The following TRIP12 variants were observed in gnomAD, a reference collection of about 807,000 sequenced individuals.
The protein encoded by TRIP12 is E3 ubiquitin-protein ligase TRIP12.
A neutral mutation model predicts 244.2 loss-of-function variants in TRIP12; 25 were observed. That is an observed-to-expected ratio of 0.10 (90% CI 0.07 to 0.14). TRIP12 has a LOEUF of 0.14. Ranked by LOEUF, TRIP12 falls within the 10% of genes least tolerant of loss-of-function variation. TRIP12 has a pLI of 1.00. For missense variants in TRIP12, 1,677 were observed against 2,486.4 expected, an observed-to-expected ratio of 0.67 and a Z score of 6.92; for synonymous variants, 905 against 873.1, an observed-to-expected ratio of 1.04 and a Z score of -0.64.
intron 2 of TRIP12, among the ~76,000 whole-genome samples, chr2:229,862,509 A>C (rs2060638687): frequency 6.6e-6 from 1 of 152,216 alleles, no homozygotes; most frequent in Non-Finnish European, 1.5e-5. Flanking sequence ...TAATTAAATC[A>C]CGTTTTCTAC....
chr2:229,808,329 G>A lies in TRIP12; in HGVS notation c.2262C>T (p.Ser754=). The part of the protein sequence containing the change: ...ETLHFLLCGA[S]NGSCQEQIDL... ...CAATCTGTTCCTGACAACTTCCATT[G>A]GAGGCACCACACAGGAGAAAGTGAA... The change falls in exon 16 of 42, where the codon TCC becomes TCT. Residue 754 remains serine, a synonymous_variant. Coordinates refer to ENST00000675903, the MANE Select transcript of TRIP12 (RefSeq NM_001348323.3). The A allele has an allele frequency of 6.2e-7, 1 of 1,613,714 alleles. No homozygotes were observed. Among genetic ancestry groups the A allele is most frequent in the African/African-American group, 1.3e-5 (1 of 75,012 alleles).
At position 229,777,471 on chromosome 2, in the gene TRIP12, A is replaced by G. The variant is rs1318001459; in HGVS notation, c.5373T>C (p.Leu1791=). 1.2e-6 allele frequency: 2 copies of G among 1,613,598 alleles called. No homozygotes were observed. Among genetic ancestry groups the G allele is most frequent in the African/African-American group, 2.7e-5 (2 of 74,902 alleles). Reference sequence around the variant, plus strand: ...ATTTATAAAAGGGTAAGCCAAGGGGAAGGTCCACCTGAAATGGAATATGCA... The same window carrying G: ...ATTTATAAAAGGGTAAGCCAAGGGGGAGGTCCACCTGAAATGGAATATGCA... ...KAIMDFRLVD[L]PLGLPFYKWM... Residue 1791 remains leucine, a synonymous_variant, in exon 37 of 42, where the codon CTT becomes CTC. Coordinates refer to ENST00000675903, the MANE Select transcript of TRIP12 (RefSeq NM_001348323.3).
chr2:229,922,854 C>T (rs188152765), upstream of TRIP12, among the ~76,000 whole-genome samples: 143 of 152,314 alleles, frequency 9.4e-4, no homozygotes, highest in African/African-American at 3.4e-3. Flanking sequence ...GTGCCGCGTG[C>T]TCCTTTCCCG....
chr2:229,905,938 A>G (rs922877453), intron 1 of TRIP12, among the ~76,000 whole-genome samples: 4 of 152,260 alleles, frequency 2.6e-5, no homozygotes, highest in Non-Finnish European at 5.9e-5. Context: ...CTCAGGCACA[A>G]AACATTACAG....
intron 1 of TRIP12, among the ~76,000 whole-genome samples, chr2:229,909,129 C>A (rs1275156369): frequency 6.7e-6 from 1 of 150,266 alleles, no homozygotes; most frequent in South Asian, 2.1e-4. Flanking sequence ...TTAGTTTTGT[C>A]CAAGTTTACC....
chr2:229,818,314 GA>G (rs756016971), intron 9 of TRIP12, 49 bp downstream of exon 9: 3 of 1,588,498 alleles, frequency 1.9e-6, no homozygotes, highest in Non-Finnish European at 8.6e-7. Flanking sequence ...AAAATCGGCA[GA>G]TTTCAGAGGA....
chr2:229,783,811 A>T (rs1335062528), intron 34 of TRIP12, among the ~76,000 whole-genome samples: 16 of 88,170 alleles, frequency 1.8e-4, no homozygotes, highest in South Asian at 5.9e-4. Flanking sequence ...ACCATCTTTT[A>T]AAAAAAAAAA....
intron 2 of TRIP12, among the ~76,000 whole-genome samples, chr2:229,874,192 G>A (rs554845939): frequency 2.0e-5 from 3 of 152,108 alleles, no homozygotes; most frequent in African/African-American, 7.2e-5. Flanking sequence ...AATGGCCCAC[G>A]GAGCAAATTT....
At chr2:229,878,611 T>G (rs1451016029) in intron 2 of TRIP12, among the ~76,000 whole-genome samples, 2 of 151,234 alleles carry the variant, frequency 1.3e-5, no homozygotes, top group Non-Finnish European at 2.9e-5. Context: ...GGAGTCTCGC[T>G]CTGTCTGTCG....
chr2:229,896,698 T>C (rs1343159664), intron 1 of TRIP12, among the ~76,000 whole-genome samples: 3 of 152,134 alleles, frequency 2.0e-5, no homozygotes, highest in Non-Finnish European at 4.4e-5. Flanking sequence ...CTAGTTAAGA[T>C]TATCAGACTA....
chr2:229,795,312 T>A lies in TRIP12; in HGVS notation c.3835A>T (p.Ile1279Phe), dbSNP rs764732335. ...TTACCCACTGGTTCCACTCTTCCAA[T>A]GGGCTCTTCTCCAGGAAGCTAAAGT... ...FSSPLPGEEP[I>F]GRVEPVGNAP... The change falls in exon 26 of 42, where the codon ATT becomes TTT. Residue 1279 changes from isoleucine to phenylalanine, a missense_variant. By Grantham distance (21) the Ile-to-Phe change is conservative. Transcript: ENST00000675903. 1 of 1,613,230 alleles carries A rather than the reference T, an allele frequency of 6.2e-7. No homozygotes were observed.
chr2:229,813,791 AT>A, intron 13 of TRIP12, 78 bp downstream of exon 13: 2 of 1,064,104 alleles, frequency 1.9e-6, no homozygotes, highest in Non-Finnish European at 2.4e-6. Context: ...TCTCAAAAAA[AT>A]AAAATAAAAT....
chr2:229,864,047 A>AGTGAGT (rs1553712196), intron 2 of TRIP12, among the ~76,000 whole-genome samples: 47 of 79,310 alleles, frequency 5.9e-4, no homozygotes, highest in East Asian at 3.9e-3. Context: ...AGAGAGAGAG[A>AGTGAGT]GTGTGTGTGT....
intron 2 of TRIP12, among the ~76,000 whole-genome samples, chr2:229,876,932 G>T (rs1161688837): frequency 6.6e-6 from 1 of 152,148 alleles, no homozygotes; most frequent in African/African-American, 2.4e-5. Context: ...CTGGCCACAA[G>T]TGATCATCCC....
At chr2:229,922,542 T>A, upstream of TRIP12, 1 of 1,613,966 alleles carries the variant, frequency 6.2e-7, no homozygotes. Context: ...GAGACTCTCT[T>A]TGAAACTGTA....
At position 229,764,323 on chromosome 2, in the gene TRIP12, A is replaced by G. The variant is rs2031169308; in HGVS notation, c.*3231T>C. The G allele has an allele frequency of 6.6e-6, 1 of 152,340 alleles. No individual in the cohort carries two copies. Among genetic ancestry groups the G allele is most frequent in the Non-Finnish European group, 1.5e-5 (1 of 68,036 alleles). The allele number at this position is 152,340 out of a possible 1,614,324, so 9.4% of individuals were successfully genotyped here. A position where few individuals can be genotyped will look rare whatever the true frequency, so the allele number is the denominator to read the frequency against. ...ATACAAAAGCATTTCTCAGAGAATC[A>G]TAAATACAGAATATGACATTTCCAA... On this transcript the variant is annotated 3_prime_UTR_variant, in exon 42 of 42. Transcript: ENST00000675903.
chr2:229,793,274 A>G (rs960378638), intron 26 of TRIP12, 129 bp from the exon 27 acceptor site: 1 of 893,232 alleles, frequency 1.1e-6, no homozygotes, highest in South Asian at 2.7e-5. Flanking sequence ...TTTACTTACC[A>G]GTTCTGTGAA....
At chr2:229,872,104 T>TAAAAAAAAAAA (rs34496202) in intron 2 of TRIP12, among the ~76,000 whole-genome samples, 16 of 105,256 alleles carry the variant, frequency 1.5e-4, no homozygotes, top group African/African-American at 2.8e-4. Context: ...ACAGATATTG[T>TAAAAAAAAAAA]AAAAAAAAAA....
chr2:229,854,533 C>A (rs745528687), intron 4 of TRIP12, among the ~76,000 whole-genome samples: 1 of 152,144 alleles, frequency 6.6e-6, no homozygotes, highest in Non-Finnish European at 1.5e-5. Flanking sequence ...GCCCATTTTA[C>A]GGAGAACAAG....
Sources: gnomAD v4.1 joint callset for allele counts (sites outside exome capture counted in the v4.1 genomes callset) on GRCh38, gnomAD v4.1.1 for gene constraint, MANE v1.5 for transcripts, NCBI Gene and HGNC (gene_info 2026-07-23, HGNC 2026-07-21) for gene names.